Variants in MEGF11 observed in about 807,000 individuals in gnomAD.
MEGF11 encodes multiple EGF like domains 11.
MEGF11 carries 126 observed loss-of-function variants against 146.6 expected under a neutral mutation model. The ratio of observed to expected loss-of-function variants is 0.86; its 90% CI spans 0.74 to 1.00. The LOEUF (loss-of-function observed/expected upper bound fraction) is 1.00, where lower values mean the gene tolerates loss of function less well. Ranked by LOEUF, MEGF11 falls within the 50% of genes least tolerant of loss-of-function variation. The probability of loss-of-function intolerance (pLI) is 0.00; values close to 1 mark genes in which losing one functional copy is unlikely to be tolerated. For synonymous variants in MEGF11, 532 were observed against 583.4 expected (o/e 0.91, Z 1.27); for missense variants, 1,509 against 1,521.2 (o/e 0.99, Z 0.13).
chr15:65,982,189 C>T lies in MEGF11; in HGVS notation c.641+53G>A. The T allele has an allele frequency of 2.7e-6, 4 of 1,506,260 alleles. No homozygotes were observed. Among genetic ancestry groups the T allele is most frequent in the Non-Finnish European group, 3.5e-6 (4 of 1,132,548 alleles). The allele number at this position is 1,506,260 out of a possible 1,614,324, so 93.3% of individuals were successfully genotyped here. ...TCTACCCTCCCCACCCAGGCACCCTCCAGGTCCCGCCCCTCCAGGTCCCGC... is the reference window on the plus strand; with the variant it reads ...TCTACCCTCCCCACCCAGGCACCCTTCAGGTCCCGCCCCTCCAGGTCCCGC... On this transcript the variant is annotated intron_variant, in intron 6 of 25. Transcript: ENST00000395614. This position sits in a 1 kb window ranked among gnomAD's most constrained non-coding sequence, Gnocchi z 5.6.
chr15:66,055,953 C>T (rs1488622686), intron 5 of MEGF11, among the ~76,000 whole-genome samples: 2 of 152,030 alleles, frequency 1.3e-5, no homozygotes, highest in African/African-American at 2.4e-5. Flanking sequence ...TGGAAGGCTT[C>T]GGGAAAGCAT....
At chr15:66,037,093 T>C (rs2083753242) in intron 5 of MEGF11, among the ~76,000 whole-genome samples, 1 of 152,210 alleles carries the variant, frequency 6.6e-6, no homozygotes, top group South Asian at 2.1e-4. Context: ...TGCATGCAGA[T>C]GGCCTGCAAG....
At chr15:65,970,491 G>A (rs1047282558) in intron 8 of MEGF11, 62 bp downstream of exon 8, 28 of 1,559,088 alleles carry the variant, frequency 1.8e-5, no homozygotes, top group African/African-American at 2.7e-5. Context: ...GCTGTTCTCT[G>A]CAAGTCTCCT....
At chr15:66,084,654 T>C (rs906582302) in intron 5 of MEGF11, among the ~76,000 whole-genome samples, 1 of 152,134 alleles carries the variant, frequency 6.6e-6, no homozygotes, top group Admixed American at 6.5e-5. Flanking sequence ...AAAGGCTTAG[T>C]GGTCCCCAGG....
Position 65,982,338 on chromosome 15 carries a change from C to T in MEGF11, c.545G>A (p.Gly182Asp). The part of the protein sequence containing the change: ...CEELCAPGTH[G>D]KGCQLPCQCR... ...CTGGCACGGCAGCTGGCATCCCTTG[C>T]CGTGGGTGCCAGGTGCGCAGAGCTC... is the stretch of plus-strand genomic sequence containing the variant. Residue 182 changes from glycine (G) to aspartate (D), a missense_variant, in exon 6 of 26, where the codon GGC (glycine) becomes GAC (aspartate). Transcript: ENST00000395614. The surrounding 1 kb of genome is among the most constrained non-coding windows in gnomAD (Gnocchi z 5.6). 2 of 1,530,546 alleles carry T rather than the reference C, an allele frequency of 1.3e-6. No individual in the cohort carries two copies. Among genetic ancestry groups the T allele is most frequent in the Non-Finnish European group, 1.8e-6 (2 of 1,139,612 alleles). The allele number at this position is 1,530,546 out of a possible 1,614,324, so 94.8% of individuals were successfully genotyped here. A position where few individuals can be genotyped will look rare whatever the true frequency, so the allele number is the denominator to read the frequency against.
At chr15:65,920,984 C>G (rs1567157921) in intron 15 of MEGF11, among the ~76,000 whole-genome samples, 2 of 152,190 alleles carry the variant, frequency 1.3e-5, no homozygotes, top group Non-Finnish European at 2.9e-5. Context: ...TGAACCTCGA[C>G]ATGTCAGGTT....
chr15:65,920,761 T>G (rs1596841072), intron 15 of MEGF11, among the ~76,000 whole-genome samples: 1 of 152,182 alleles, frequency 6.6e-6, no homozygotes, highest in South Asian at 2.1e-4. Context: ...CATTAGAAGG[T>G]GTCAGTTCAA....
chr15:66,132,793 G>T (rs2088706034), intron 1 of MEGF11, among the ~76,000 whole-genome samples: 1 of 152,094 alleles, frequency 6.6e-6, no homozygotes, highest in African/African-American at 2.4e-5. Context: ...TTACCACTTA[G>T]ATATGGCCTT....
At chr15:65,987,324 A>G (rs969290022) in intron 5 of MEGF11, among the ~76,000 whole-genome samples, 6 of 152,304 alleles carry the variant, frequency 3.9e-5, no homozygotes, top group East Asian at 1.9e-4. Flanking sequence ...GCCACCCTTG[A>G]AAATCCATAA....
intron 4 of MEGF11, among the ~76,000 whole-genome samples, chr15:66,106,695 G>A (rs903551798): frequency 4.1e-4 from 62 of 152,178 alleles, no homozygotes; most frequent in Admixed American, 3.2e-3. Flanking sequence ...CATCCCTCAC[G>A]TGGATTGGGA....
chr15:66,225,308 C>T (rs576498982), intron 1 of MEGF11, among the ~76,000 whole-genome samples: 233 of 152,380 alleles, frequency 1.5e-3, no homozygotes, highest in African/African-American at 5.4e-3. Context: ...CTTCAGCATG[C>T]TTGCCCACCA....
intron 5 of MEGF11, among the ~76,000 whole-genome samples, chr15:66,002,907 G>T (rs1486677196): frequency 6.6e-6 from 1 of 151,882 alleles, no homozygotes; most frequent in African/African-American, 2.4e-5. Context: ...AAGGGAAAAT[G>T]ATTTTTTCAA....
At chr15:66,145,964 G>A (rs933985536) in intron 1 of MEGF11, among the ~76,000 whole-genome samples, 5 of 152,166 alleles carry the variant, frequency 3.3e-5, no homozygotes, top group African/African-American at 1.2e-4. Context: ...ACCGTTGGGC[G>A]CACAGTAAAC....
At position 66,099,903 on chromosome 15, in the gene MEGF11, G is replaced by C. The variant is rs533799126; in HGVS notation, c.302-5409C>G. Reference sequence around the variant, plus strand: ...AAAACTAGAAGGGCTGGGACTGGGAGTGGGGAAGGAGACACAGTCCAGAGT... The same window carrying C: ...AAAACTAGAAGGGCTGGGACTGGGACTGGGGAAGGAGACACAGTCCAGAGT... On this transcript the variant is annotated intron_variant, in intron 4 of 25. Coordinates refer to ENST00000395614, the MANE Select transcript of MEGF11 (RefSeq NM_001385028.1). 8.5e-5 allele frequency among the ~76,000 whole-genome samples: 13 copies of C among 152,232 alleles called. No homozygotes were observed. The South Asian group carries it at 2.5e-3, about 29-fold the overall frequency.
intron 5 of MEGF11, among the ~76,000 whole-genome samples, chr15:65,999,005 T>C (rs2082280223): frequency 6.6e-6 from 1 of 151,478 alleles, no homozygotes; most frequent in Non-Finnish European, 1.5e-5. Context: ...GGGCCCAGCC[T>C]CTTCCAAAGG....
At chr15:66,128,471 T>A in intron 1 of MEGF11, 60 bp from the exon 2 acceptor site, 1 of 1,007,626 alleles carries the variant, frequency 9.9e-7, no homozygotes, top group Non-Finnish European at 1.4e-6. Flanking sequence ...GGCAACTACT[T>A]AGTTTCCCAT....
rs2079449833 is a variant in MEGF11 at position 65,928,420 on chromosome 15, G to GCT, written c.1675+4_1675+5insAG. The GCT allele has an allele frequency of 6.3e-7, 1 of 1,582,704 alleles. No individual in the cohort carries two copies. The highest frequency in any genetic ancestry group is 1.3e-5 in the African/African-American group (1 of 74,230). On this transcript the variant is annotated splice_donor_region_variant and intron_variant, in intron 13 of 25. Coordinates refer to ENST00000395614, the MANE Select transcript of MEGF11 (RefSeq NM_001385028.1). ...CTGGGTGGTGGCACAGCAAGGGAAGGTTACCTGTCCATCCGGCCAGGCAGC... is the reference window on the plus strand; with the variant it reads ...CTGGGTGGTGGCACAGCAAGGGAAGGCTTTACCTGTCCATCCGGCCAGGCAGC...
chr15:65,920,383 C>G (rs2079136233), intron 15 of MEGF11, among the ~76,000 whole-genome samples: 1 of 152,230 alleles, frequency 6.6e-6, no homozygotes, highest in Admixed American at 6.5e-5. Context: ...CCTCTTCTTT[C>G]CTACCTCTGG....
At chr15:65,937,192 C>T (rs2079820223) in intron 10 of MEGF11, among the ~76,000 whole-genome samples, 1 of 152,220 alleles carries the variant, frequency 6.6e-6, no homozygotes, top group Admixed American at 6.5e-5. Flanking sequence ...CACCTGCCTC[C>T]TCCTGCCTAG....
Sources: allele counts gnomAD v4.1 joint callset (sites outside exome capture counted in the v4.1 genomes callset), GRCh38; gene constraint gnomAD v4.1.1; non-coding constraint Gnocchi (gnomAD v3.1); transcripts MANE v1.5; gene names NCBI Gene and HGNC (gene_info 2026-07-23, HGNC 2026-07-21).